Variants in HNMT observed in about 807,000 individuals in gnomAD.
HNMT encodes the protein histamine N-methyltransferase.
HNMT carries 30 observed loss-of-function variants against 32.1 expected under a neutral mutation model. The observed-to-expected ratio is 0.93, with a 90% CI of 0.70 to 1.27. HNMT has a LOEUF of 1.27. Ranked by LOEUF, HNMT falls within the 50% of genes most tolerant of loss-of-function variation. HNMT has a pLI of 0.00. For missense variants in HNMT, 327 were observed against 346.0 expected (o/e 0.95, Z 0.43); for synonymous variants, 125 against 119.0 (o/e 1.05, Z -0.33).
intron 2 of HNMT, chr2:137,981,427 C>A: frequency 6.8e-7 from 1 of 1,474,974 alleles, no homozygotes; most frequent in Non-Finnish European, 9.4e-7. Context: ...TTCCATGAAG[C>A]CTACTAGATC....
chr2:137,981,052 G>C (rs1284829798), intron 2 of HNMT, among the ~76,000 whole-genome samples: 1 of 151,998 alleles, frequency 6.6e-6, no homozygotes, highest in African/African-American at 2.4e-5. Context: ...TATTCTAGTA[G>C]AGGGAACAAA....
chr2:137,971,544 A>G (rs1035424253), intron 2 of HNMT, among the ~76,000 whole-genome samples: 1 of 152,186 alleles, frequency 6.6e-6, no homozygotes, highest in African/African-American at 2.4e-5. Flanking sequence ...ATTCTAGGGG[A>G]AAATTTAAAG....
intron 2 of HNMT, among the ~76,000 whole-genome samples, chr2:137,973,213 C>CT (rs1412679577): frequency 6.6e-6 from 1 of 152,158 alleles, no homozygotes; most frequent in Non-Finnish European, 1.5e-5. Flanking sequence ...GTCTAGGTGT[C>CT]TGTTGCTTGA....
At chr2:137,972,749 T>C (rs1036654725) in intron 2 of HNMT, among the ~76,000 whole-genome samples, 33 of 152,210 alleles carry the variant, frequency 2.2e-4, no homozygotes, top group Non-Finnish European at 8.8e-5. Flanking sequence ...AGACTATCAT[T>C]TGATAGTGTC....
chr2:137,979,501 C>T (rs1187917728), intron 2 of HNMT, among the ~76,000 whole-genome samples: 1 of 151,964 alleles, frequency 6.6e-6, no homozygotes, highest in Non-Finnish European at 1.5e-5. Context: ...ATCCACCCAC[C>T]TTGGCCTCCC....
intron 1 of HNMT, among the ~76,000 whole-genome samples, chr2:137,968,941 C>T (rs1680040685): frequency 1.3e-5 from 2 of 152,174 alleles, no homozygotes; most frequent in Admixed American, 6.5e-5. Context: ...CATCTCTTTT[C>T]CTTCTCTCTT....
At chr2:137,986,964 A>C (rs145507916) in intron 2 of HNMT, among the ~76,000 whole-genome samples, 197 of 152,340 alleles carry the variant, frequency 1.3e-3, no homozygotes, top group African/African-American at 4.5e-3. Context: ...CAAGCACAGA[A>C]TGAAAAATCA....
At position 138,014,624 on chromosome 2, in the gene HNMT, A is replaced by C. The variant is rs1182265672; in HGVS notation, c.*494A>C. ...TTTTTATTAATTTGTAAGAGTAAGC[A>C]CCTTTAGAATATTAAAAATTAATTC... On this transcript the variant is annotated 3_prime_UTR_variant, in exon 6 of 6. Transcript: ENST00000280097. 2.0e-5 allele frequency: 3 copies of C among 152,632 alleles called. No homozygotes were observed. The highest frequency in any genetic ancestry group is 7.2e-5 in the African/African-American group (3 of 41,408). The allele number at this position is 152,632 out of a possible 1,614,324, so 9.5% of individuals were successfully genotyped here. A position where few individuals can be genotyped will look rare whatever the true frequency, so the allele number is the denominator to read the frequency against.
chr2:138,008,054 C>T (rs548569064), intron 5 of HNMT, among the ~76,000 whole-genome samples: 22 of 151,744 alleles, frequency 1.4e-4, no homozygotes, highest in South Asian at 8.3e-4. Flanking sequence ...TAAACGTGTC[C>T]GGGGGGTTGT....
intron 2 of HNMT, among the ~76,000 whole-genome samples, chr2:137,983,511 A>T (rs562591352): frequency 1.4e-4 from 21 of 152,230 alleles, no homozygotes; most frequent in Admixed American, 1.2e-3. Flanking sequence ...CTTAGCTGGG[A>T]TGGGTCCCTA....
intron 2 of HNMT, among the ~76,000 whole-genome samples, chr2:137,996,641 C>T (rs370645078): frequency 6.6e-5 from 10 of 152,206 alleles, no homozygotes; most frequent in East Asian, 3.9e-4. Context: ...AAACTACCAT[C>T]GACATTCTTC....
chr2:137,972,207 C>G (rs923665329), intron 2 of HNMT, among the ~76,000 whole-genome samples: 1 of 152,106 alleles, frequency 6.6e-6, no homozygotes, highest in African/African-American at 2.4e-5. Context: ...TGGGTTCAAG[C>G]AATTCTCCCT....
chr2:137,993,090 C>A (rs1680873879), intron 2 of HNMT, among the ~76,000 whole-genome samples: 1 of 152,142 alleles, frequency 6.6e-6, no homozygotes, highest in Non-Finnish European at 1.5e-5. Context: ...CTCACGAAGT[C>A]AAGAAAGAAT....
intron 5 of HNMT, among the ~76,000 whole-genome samples, chr2:138,005,556 T>C (rs1270385929): frequency 1.3e-5 from 2 of 152,086 alleles, no homozygotes; most frequent in African/African-American, 4.8e-5. Flanking sequence ...TTATTTTACC[T>C]ACTTCGTGTC....
chr2:137,999,673 T>G (rs560624087), intron 2 of HNMT, among the ~76,000 whole-genome samples: 1 of 152,288 alleles, frequency 6.6e-6, no homozygotes, highest in South Asian at 2.1e-4. Context: ...AGGAGGTATT[T>G]CCATTTTAGT....
At chr2:137,969,119 T>C (rs1180061283) in intron 1 of HNMT, among the ~76,000 whole-genome samples, 1 of 152,222 alleles carries the variant, frequency 6.6e-6, no homozygotes, top group African/African-American at 2.4e-5. Flanking sequence ...TAGTACACTC[T>C]GCTGCTTTTG....
chr2:138,005,097 A>C, intron 4 of HNMT, 35 bp from the exon 5 acceptor site: 1 of 1,170,046 alleles, frequency 8.5e-7, no homozygotes, highest in Non-Finnish European at 1.3e-6. Context: ...TTCAACATAC[A>C]GAAGCAGCTC....
At chr2:137,973,784 G>A (rs1160521866) in intron 2 of HNMT, among the ~76,000 whole-genome samples, 1 of 152,098 alleles carries the variant, frequency 6.6e-6, no homozygotes, top group Non-Finnish European at 1.5e-5. Flanking sequence ...TTTTTTGGGG[G>A]GGGGTGGTCT....
intron 2 of HNMT, among the ~76,000 whole-genome samples, chr2:137,989,024 T>C (rs953455276): frequency 1.3e-5 from 2 of 152,144 alleles, no homozygotes; most frequent in African/African-American, 4.8e-5. Flanking sequence ...CTCCCCATTA[T>C]ATATATATTC....
Sources: allele counts gnomAD v4.1 joint callset (sites outside exome capture counted in the v4.1 genomes callset), GRCh38; gene constraint gnomAD v4.1.1; transcripts MANE v1.5; gene names NCBI Gene and HGNC (gene_info 2026-07-23, HGNC 2026-07-21).